The following PCOLCE2 variants were observed in gnomAD, a reference collection of about 807,000 sequenced individuals.
PCOLCE2 encodes procollagen C-endopeptidase enhancer 2.
In PCOLCE2, 42 loss-of-function variants were observed where a neutral mutation model predicts 47.0. That is an observed-to-expected ratio of 0.89 (90% CI 0.70 to 1.16). PCOLCE2 has a LOEUF of 1.16. PCOLCE2 is among the 50% of genes most tolerant of loss of function. PCOLCE2 has a pLI of 0.00. For synonymous variants in PCOLCE2, 169 were observed against 191.7 expected (o/e 0.88, Z 0.98); for missense variants, 500 against 526.1 (o/e 0.95, Z 0.49).
intron 6 of PCOLCE2, chr3:142,827,672 G>T: frequency 7.3e-7 from 1 of 1,374,320 alleles, no homozygotes; most frequent in Middle Eastern, 1.9e-4. Context: ...AAACCAGTAC[G>T]GGTCGCGGAA....
rs1014444879 is a variant in PCOLCE2, at chr3:142,861,300, C to G, written c.193-12828G>C. 1.7e-4 allele frequency among the ~76,000 whole-genome samples: 26 copies of G among 152,164 alleles called. 1 individual carries two copies. The highest frequency in any genetic ancestry group is 1.5e-4 in the Non-Finnish European group (10 of 68,032). ...ATGCACCTTGGTGTTTATCTTTCTT[C>G]ATTCATTTGTGCTGAGTGTTATTTC... On this transcript the variant is annotated intron_variant, in intron 2 of 8. Coordinates refer to ENST00000295992, the MANE Select transcript of PCOLCE2 (RefSeq NM_013363.4).
intron 3 of PCOLCE2, among the ~76,000 whole-genome samples, chr3:142,847,346 A>C (rs1159400925): frequency 6.6e-6 from 1 of 152,176 alleles, no homozygotes; most frequent in Admixed American, 6.5e-5. Context: ...CTGCTCTTTC[A>C]GCCCCAGATT....
intron 2 of PCOLCE2, among the ~76,000 whole-genome samples, chr3:142,860,903 G>A (rs1370510564): frequency 6.6e-6 from 1 of 152,192 alleles, no homozygotes. Context: ...ACAGCTGTGG[G>A]CTGGGACTTC....
At chr3:142,871,556 A>G (rs1030207197) in intron 2 of PCOLCE2, among the ~76,000 whole-genome samples, 2 of 152,196 alleles carry the variant, frequency 1.3e-5, no homozygotes, top group African/African-American at 4.8e-5. Flanking sequence ...CAATCAGTTC[A>G]CCTTAAGAGA....
At chr3:142,883,695 T>C (rs1208194545) in intron 2 of PCOLCE2, among the ~76,000 whole-genome samples, 1 of 144,402 alleles carries the variant, frequency 6.9e-6, no homozygotes, top group Non-Finnish European at 1.6e-5. Flanking sequence ...TGTCTACTTT[T>C]CTTTAAAAAA....
At chr3:142,853,016 G>A (rs1932981095) in intron 2 of PCOLCE2, among the ~76,000 whole-genome samples, 1 of 150,692 alleles carries the variant, frequency 6.6e-6, no homozygotes, top group South Asian at 2.1e-4. Flanking sequence ...TGACGTGTGA[G>A]GATTACTTGA....
At chr3:142,854,066 G>T (rs1933011486) in intron 2 of PCOLCE2, among the ~76,000 whole-genome samples, 3 of 152,284 alleles carry the variant, frequency 2.0e-5, no homozygotes, top group Non-Finnish European at 2.9e-5. Flanking sequence ...GATACTATGA[G>T]CAAAATGCAA....
intron 2 of PCOLCE2, among the ~76,000 whole-genome samples, chr3:142,862,255 C>T (rs2108204228): frequency 6.6e-6 from 1 of 152,294 alleles, no homozygotes; most frequent in East Asian, 1.9e-4. Flanking sequence ...GCCCTCCTGC[C>T]TTCCAAGAAA....
In PCOLCE2 at chr3:142,871,383, T is replaced by C. The variant is rs538604923; in HGVS notation, c.192+16286A>G. On this transcript the variant is annotated intron_variant, in intron 2 of 8. Transcript: ENST00000295992. ...ATCCTTTTAAATCACAGACACCTTA[T>C]GGCACTCCTCTGCTTAAAATCCTGC... 2.4e-4 allele frequency among the ~76,000 whole-genome samples: 37 copies of C among 152,340 alleles called. No individual in the cohort carries two copies. In the South Asian group the frequency reaches 7.7e-3, roughly 32 times the overall value.
At chr3:142,872,629 T>C (rs1336313292) in intron 2 of PCOLCE2, among the ~76,000 whole-genome samples, 1 of 152,212 alleles carries the variant, frequency 6.6e-6, no homozygotes, top group African/African-American at 2.4e-5. Context: ...TCCTTCCTTG[T>C]TGCATCCATA....
At chr3:142,859,619 A>G (rs960653708) in intron 2 of PCOLCE2, among the ~76,000 whole-genome samples, 28 of 150,766 alleles carry the variant, frequency 1.9e-4, no homozygotes, top group South Asian at 8.4e-4. Context: ...AGTGTGGAGT[A>G]CAGTGGCGTG....
At chr3:142,878,276 T>A (rs1933539348) in intron 2 of PCOLCE2, among the ~76,000 whole-genome samples, 1 of 152,186 alleles carries the variant, frequency 6.6e-6, no homozygotes, top group African/African-American at 2.4e-5. Flanking sequence ...TCTGTGGGTG[T>A]TCCATTTATT....
chr3:142,860,671 G>C (rs1183084733), intron 2 of PCOLCE2, among the ~76,000 whole-genome samples: 1 of 152,194 alleles, frequency 6.6e-6, no homozygotes, highest in Non-Finnish European at 1.5e-5. Context: ...GCCTCCCAAA[G>C]TGCTAGGATT....
intron 5 of PCOLCE2, among the ~76,000 whole-genome samples, chr3:142,833,576 A>G (rs1937173965): frequency 6.6e-6 from 1 of 151,816 alleles, no homozygotes. Flanking sequence ...ACAATTTAAG[A>G]ATTCTCTTGT....
chr3:142,835,230 T>G (rs1366981886), intron 5 of PCOLCE2, among the ~76,000 whole-genome samples: 1 of 152,150 alleles, frequency 6.6e-6, no homozygotes, highest in African/African-American at 2.4e-5. Flanking sequence ...CTTTCTTAAT[T>G]TTTTAATTTT....
intron 2 of PCOLCE2, among the ~76,000 whole-genome samples, chr3:142,870,559 C>CT (rs1403697944): frequency 6.6e-6 from 1 of 152,084 alleles, no homozygotes; most frequent in African/African-American, 2.4e-5. Flanking sequence ...ATTCTGACGC[C>CT]TTATTTTCAA....
At chr3:142,831,221 G>A (rs1937148012) in intron 5 of PCOLCE2, among the ~76,000 whole-genome samples, 1 of 152,238 alleles carries the variant, frequency 6.6e-6, no homozygotes, top group African/African-American at 2.4e-5. Context: ...CTCAGGAATG[G>A]ATTCATCCAT....
chr3:142,848,264 C>A lies in PCOLCE2; in HGVS notation c.401G>T (p.Gly134Val). 6.2e-7 allele frequency: 1 copy of A among 1,614,192 alleles called. No homozygotes were observed. The highest frequency in any genetic ancestry group is 8.5e-7 in the Non-Finnish European group (1 of 1,180,014). Residue 134 changes from glycine to valine, a missense_variant, in exon 3 of 9, where the codon GGC becomes GTC. Coordinates refer to ENST00000295992, the MANE Select transcript of PCOLCE2 (RefSeq NM_013363.4). Reference protein sequence around the residue: ...VQMISDANTAGNGFMAMFSAA... With the variant: ...VQMISDANTAVNGFMAMFSAA... ...GGAGAACATGGCCATGAAGCCATTG[C>A]CAGCTGTGTTGGCATCAGAAATCAT...
intron 6 of PCOLCE2, 58 bp from the exon 7 acceptor site, chr3:142,823,673 T>C (rs2108184086): frequency 2.1e-6 from 2 of 937,790 alleles, no homozygotes; most frequent in Admixed American, 1.9e-5. Context: ...AATTGGTCTT[T>C]AGTTCTGAAT....
Sources: allele counts gnomAD v4.1 joint callset (sites outside exome capture counted in the v4.1 genomes callset), GRCh38; gene constraint gnomAD v4.1.1; transcripts MANE v1.5; gene names NCBI Gene and HGNC (gene_info 2026-07-23, HGNC 2026-07-21).